CTR9: variants seen among roughly 807,000 people sequenced by gnomAD.
CTR9 encodes RNA polymerase-associated protein CTR9 homolog.
Under a neutral mutation model 152.1 loss-of-function variants are expected in CTR9, and 41 were observed. The ratio of observed to expected loss-of-function variants is 0.27; its 90% CI spans 0.21 to 0.35. CTR9 has a LOEUF of 0.35. Among genes scored for constraint, CTR9 ranks in the 10% least tolerant of loss-of-function variants. The probability of loss-of-function intolerance (pLI) is 1.00; values close to 1 mark genes in which losing one functional copy is unlikely to be tolerated. For missense variants in CTR9, 917 were observed against 1,424.4 expected, an observed-to-expected ratio of 0.64 and a Z score of 5.73; for synonymous variants, 476 against 496.2, an observed-to-expected ratio of 0.96 and a Z score of 0.54.
chr11:10,757,253 C>A (rs944781404), intron 5 of CTR9, among the ~76,000 whole-genome samples: 2 of 152,072 alleles, frequency 1.3e-5, no homozygotes, highest in South Asian at 4.1e-4. Flanking sequence ...CCATTGCATT[C>A]CAGCCTGGGC....
chr11:10,760,088 CATAA>C, intron 5 of CTR9, 81 bp from the exon 6 acceptor site: 5 of 1,486,594 alleles, frequency 3.4e-6, no homozygotes, highest in Admixed American at 1.8e-5. Flanking sequence ...TTTTGCAACT[CATAA>C]ATAGAGAATG....
chr11:10,770,359 C>G (rs1863123876), intron 17 of CTR9, 33 bp downstream of exon 17: 1 of 1,594,798 alleles, frequency 6.3e-7, no homozygotes, highest in East Asian at 2.2e-5. Context: ...CCATCCATTT[C>G]TGTGCTACAT....
At chr11:10,762,172 A>T in intron 7 of CTR9, 118 bp downstream of exon 7, 1 of 667,098 alleles carries the variant, frequency 1.5e-6, no homozygotes, top group East Asian at 2.8e-5. Context: ...CCCCCCTCCA[A>T]ATTATAGAGT....
intron 1 of CTR9, among the ~76,000 whole-genome samples, chr11:10,751,967 C>T (rs1459881720): frequency 6.6e-6 from 1 of 152,058 alleles, no homozygotes; most frequent in African/African-American, 2.4e-5. Flanking sequence ...AAGATTTAGC[C>T]GCCCCTGTGT....
At chr11:10,765,446 G>A (rs1024830385) in intron 12 of CTR9, among the ~76,000 whole-genome samples, 5 of 152,108 alleles carry the variant, frequency 3.3e-5, no homozygotes, top group South Asian at 4.2e-4. Context: ...AGTAAATCAG[G>A]AGGTTTTTTG....
At chr11:10,775,144 A>C in intron 22 of CTR9, 63 bp from the exon 23 acceptor site, 1 of 1,317,386 alleles carries the variant, frequency 7.6e-7, no homozygotes, top group Non-Finnish European at 1.1e-6. Flanking sequence ...TTTAATGGCA[A>C]AGTAGTCTGG....
chr11:10,759,889 G>T (rs1236224383), intron 5 of CTR9, among the ~76,000 whole-genome samples: 1 of 152,166 alleles, frequency 6.6e-6, no homozygotes, highest in Admixed American at 6.5e-5. Context: ...GAAATTGAAG[G>T]TATGGTTAGC....
At chr11:10,759,257 T>C (rs1862936575) in intron 5 of CTR9, among the ~76,000 whole-genome samples, 1 of 151,898 alleles carries the variant, frequency 6.6e-6, no homozygotes, top group Non-Finnish European at 1.5e-5. Flanking sequence ...AGGAGGAAAA[T>C]AGGGTAAGTG....
chr11:10,763,569 C>A lies in CTR9; in HGVS notation c.957+31C>A, dbSNP rs534755560. 54 of 1,572,108 alleles carry A rather than the reference C, an allele frequency of 3.4e-5. No homozygotes were observed. The South Asian group carries it at 5.9e-4, about 17-fold the overall frequency. On this transcript the variant is annotated intron_variant, in intron 8 of 24. Transcript: ENST00000361367. ...TTTATAACTTCTCTAAATGTCTAAT[C>A]TTTTTACTTATAGTGTTTTAAGTCT...
intron 5 of CTR9, among the ~76,000 whole-genome samples, chr11:10,758,566 G>C (rs1416170588): frequency 6.6e-6 from 1 of 152,208 alleles, no homozygotes; most frequent in Non-Finnish European, 1.5e-5. Context: ...ACTAGTTTTA[G>C]ACCTGAAAAG....
Position 10,763,807 on chromosome 11 carries a change from T to C in CTR9, c.1122T>C (p.Asn374=). 6.2e-7 allele frequency: 1 copy of C among 1,613,908 alleles called. No homozygotes were observed. The highest frequency in any genetic ancestry group is 1.3e-5 in the African/African-American group (1 of 75,024). ...FEKVLKAYPN[N]YETMKILGSL... ...AGGTTTTGAAAGCTTATCCTAATAA[T>C]TACGAAACTATGAAAATTCTCGGCT... is the stretch of plus-strand genomic sequence containing the variant. Residue 374 remains asparagine (N), a synonymous_variant, in exon 9 of 25, where the codon AAT becomes AAC. Coordinates refer to ENST00000361367, the MANE Select transcript of CTR9 (RefSeq NM_014633.5).
chr11:10,776,982 A>G (rs866417727), intron 24 of CTR9, among the ~76,000 whole-genome samples: 6,417 of 150,170 alleles, frequency 0.043, 434 homozygotes, highest in African/African-American at 0.15. Flanking sequence ...AAAAAAAAAA[A>G]AAAAAAAAAA....
At chr11:10,768,591 T>C in intron 16 of CTR9, 100 bp downstream of exon 16, 1 of 1,163,728 alleles carries the variant, frequency 8.6e-7, no homozygotes, top group Non-Finnish European at 1.2e-6. Flanking sequence ...ATGCTATCTC[T>C]TGTGATACTG....
chr11:10,766,302 C>A, intron 12 of CTR9, 100 bp from the exon 13 acceptor site: 1 of 804,298 alleles, frequency 1.2e-6, no homozygotes, highest in East Asian at 2.6e-5. Context: ...CCTTTTATGG[C>A]GGTATTAATG....
intron 24 of CTR9, among the ~76,000 whole-genome samples, chr11:10,776,322 C>A (rs1487961317): frequency 6.6e-6 from 1 of 152,114 alleles, no homozygotes; most frequent in Admixed American, 6.5e-5. Context: ...TTTTCTCCCC[C>A]GTTGTGCGGT....
intron 16 of CTR9, among the ~76,000 whole-genome samples, chr11:10,769,189 T>G (rs1485789822): frequency 6.6e-6 from 1 of 151,938 alleles, no homozygotes; most frequent in Non-Finnish European, 1.5e-5. Context: ...GCCACTGCAC[T>G]CTAGCCTGGG....
At chr11:10,756,686 T>C (rs1184066607) in intron 4 of CTR9, 63 bp from the exon 5 acceptor site, 2 of 1,153,470 alleles carry the variant, frequency 1.7e-6, no homozygotes, top group African/African-American at 3.1e-5. Flanking sequence ...TAAGTTAGTG[T>C]AAAACATAAT....
intron 7 of CTR9, among the ~76,000 whole-genome samples, chr11:10,762,279 G>C (rs541051238): frequency 1.3e-5 from 2 of 152,270 alleles, no homozygotes; most frequent in South Asian, 4.1e-4. Context: ...CACTGTGGTA[G>C]TGATGTGAAG....
At chr11:10,762,964 C>T (rs968932878) in intron 7 of CTR9, among the ~76,000 whole-genome samples, 2 of 150,344 alleles carry the variant, frequency 1.3e-5, no homozygotes, top group African/African-American at 4.9e-5. Flanking sequence ...GCCATGATGG[C>T]GCCACTGCAC....
Sources: gnomAD v4.1 joint callset for allele counts (sites outside exome capture counted in the v4.1 genomes callset) on GRCh38, gnomAD v4.1.1 for gene constraint, MANE v1.5 for transcripts, NCBI Gene and HGNC (gene_info 2026-07-23, HGNC 2026-07-21) for gene names.